Variants in DUSP22 observed in about 807,000 individuals in gnomAD.
The protein encoded by DUSP22 is dual specificity phosphatase 22, also known as dual specificity protein phosphatase 22.
A neutral mutation model predicts 24.5 loss-of-function variants in DUSP22; 24 were observed. The observed-to-expected ratio is 0.98, with a 90% CI of 0.71 to 1.38. The LOEUF (loss-of-function observed/expected upper bound fraction) is 1.38. Ranked by LOEUF, DUSP22 falls within the 40% of genes most tolerant of loss-of-function variation. The pLI, the probability that DUSP22 is intolerant of heterozygous loss-of-function variation, is 0.00. For synonymous variants in DUSP22, 160 were observed against 106.4 expected (o/e 1.50, Z -3.10); for missense variants, 330 against 269.2 (o/e 1.23, Z -1.58).
intron 4 of DUSP22, among the ~76,000 whole-genome samples, chr6:342,179 G>A (rs1759637542): frequency 1.3e-5 from 2 of 152,308 alleles, no homozygotes; most frequent in Admixed American, 6.5e-5. Context: ...TGTGGTCTTT[G>A]CAGTGTGTTC....
intron 1 of DUSP22, among the ~76,000 whole-genome samples, chr6:296,339 A>G (rs1031431470): frequency 2.2e-4 from 33 of 152,408 alleles, no homozygotes; most frequent in African/African-American, 6.7e-4. Context: ...TGTTATTTTC[A>G]TGCCTGTTTT....
At chr6:340,227 C>T (rs1345729213) in intron 4 of DUSP22, among the ~76,000 whole-genome samples, 2 of 152,300 alleles carry the variant, frequency 1.3e-5, no homozygotes, top group African/African-American at 2.4e-5. Flanking sequence ...CGTGAAATAT[C>T]AAAGTTGGGG....
At chr6:346,934 G>A (rs925374668) in intron 5 of DUSP22, among the ~76,000 whole-genome samples, 5 of 152,306 alleles carry the variant, frequency 3.3e-5, no homozygotes, top group Non-Finnish European at 5.9e-5. Flanking sequence ...CAGGGAGGAC[G>A]CTAGATAGTT....
chr6:304,862 T>C (rs1473253414), intron 2 of DUSP22, among the ~76,000 whole-genome samples: 1 of 152,120 alleles, frequency 6.6e-6, no homozygotes, highest in Non-Finnish European at 1.5e-5. Context: ...ATTCCTCTCC[T>C]CCCAGCCCCG....
At chr6:297,785 T>C (rs1447963398) in intron 1 of DUSP22, among the ~76,000 whole-genome samples, 1 of 152,304 alleles carries the variant, frequency 6.6e-6, no homozygotes, top group Non-Finnish European at 1.5e-5. Flanking sequence ...GAAGCTCTGT[T>C]TTCATACGGG....
Position 292,499 on chromosome 6 carries a change from C to T in DUSP22, c.-41C>T. On this transcript the variant is annotated 5_prime_UTR_variant, in exon 1 of 7. Transcript: ENST00000419235. ...CCTGTAACATGCCATAGTGCGCCTGCGACCACACGGCCGGGGCGCTAGCGT... is the reference window on the plus strand; with the variant it reads ...CCTGTAACATGCCATAGTGCGCCTGTGACCACACGGCCGGGGCGCTAGCGT... 1 of 1,601,872 alleles carries T rather than the reference C, an allele frequency of 6.2e-7. No individual in the cohort carries two copies. Among genetic ancestry groups the T allele is most frequent in the Non-Finnish European group, 8.5e-7 (1 of 1,174,650 alleles).
intron 3 of DUSP22, 94 bp downstream of exon 3, chr6:312,056 T>A: frequency 7.6e-7 from 1 of 1,310,312 alleles, no homozygotes; most frequent in Non-Finnish European, 1.1e-6. Flanking sequence ...TTCTCTCCAA[T>A]GCGAACGTAC....
intron 3 of DUSP22, among the ~76,000 whole-genome samples, chr6:313,945 AC>A (rs1326925761): frequency 6.6e-6 from 1 of 152,298 alleles, no homozygotes; most frequent in Non-Finnish European, 1.5e-5. Flanking sequence ...TGCCTGGGGC[AC>A]AAAGGCAGTC....
chr6:340,279 G>A (rs1487129838), intron 4 of DUSP22, among the ~76,000 whole-genome samples: 1 of 152,306 alleles, frequency 6.6e-6, no homozygotes, highest in African/African-American at 2.4e-5. Flanking sequence ...GTGTAATGCT[G>A]TGTGCTGATA....
chr6:299,823 G>T (rs939585174), intron 1 of DUSP22, among the ~76,000 whole-genome samples: 1 of 152,306 alleles, frequency 6.6e-6, no homozygotes, highest in Non-Finnish European at 1.5e-5. Context: ...GCACCGTTTC[G>T]CATGTGGAAG....
Position 349,023 on chromosome 6 carries a change from G to A in DUSP22, c.*72G>A. The A allele has an allele frequency of 2.0e-6, 3 of 1,532,348 alleles. No homozygotes were observed. The highest frequency in any genetic ancestry group is 4.0e-5 in the Admixed American group (2 of 49,886). 94.9% of individuals were successfully genotyped at this position (1,532,348 alleles called of 1,614,324 possible). ...CCCGGCTGGGCAGGGGTGCGGTGGT[G>A]GTGGCCGATGAGGACAGGAAAGGGA... On this transcript the variant is annotated 3_prime_UTR_variant, in exon 7 of 7. Coordinates refer to ENST00000419235, the MANE Select transcript of DUSP22 (RefSeq NM_001286555.3).
At chr6:339,546 AT>A (rs11323464) in intron 4 of DUSP22, among the ~76,000 whole-genome samples, 1,024 of 151,354 alleles carry the variant, frequency 6.8e-3, no homozygotes, top group African/African-American at 0.023. Flanking sequence ...GTAATTACAG[AT>A]TTTTTTTTTC....
chr6:328,100 G>A lies in DUSP22; in HGVS notation c.139-7014G>A, dbSNP rs541658904. Among the ~76,000 whole-genome samples, 134 of 152,390 alleles carry A rather than the reference G, an allele frequency of 8.8e-4. No homozygotes were observed. In the South Asian group the frequency reaches 0.027, roughly 30 times the overall value. ...AGAGAACACTCCTAGAATATCTGCTGCTGATTTCTAAGCAGCAGCTTTCAC... is the reference window on the plus strand; with the variant it reads ...AGAGAACACTCCTAGAATATCTGCTACTGATTTCTAAGCAGCAGCTTTCAC... On this transcript the variant is annotated intron_variant, in intron 3 of 6. Transcript: ENST00000419235.
chr6:348,546 T>G (rs1760000350), intron 6 of DUSP22: 1 of 879,900 alleles, frequency 1.1e-6, no homozygotes, highest in African/African-American at 1.7e-5. Context: ...TACCATTTCC[T>G]TGGTCTGGCC....
At chr6:346,067 A>C (rs1231031907) in intron 5 of DUSP22, 139 bp downstream of exon 5, 4 of 1,078,386 alleles carry the variant, frequency 3.7e-6, no homozygotes, top group Non-Finnish European at 5.5e-6. Context: ...CGCGTGCTCC[A>C]TTTGTCCAGC....
At chr6:342,200 T>A (rs1022011998) in intron 4 of DUSP22, among the ~76,000 whole-genome samples, 62 of 152,388 alleles carry the variant, frequency 4.1e-4, no homozygotes, top group African/African-American at 1.5e-3. Flanking sequence ...TGACGTGCTC[T>A]GTGGTTTTTC....
chr6:296,606 C>A (rs1169624499), intron 1 of DUSP22, among the ~76,000 whole-genome samples: 4 of 152,238 alleles, frequency 2.6e-5, no homozygotes, highest in Non-Finnish European at 5.9e-5. Context: ...ACCCTCAAAT[C>A]TTTTGGGGGA....
intron 3 of DUSP22, among the ~76,000 whole-genome samples, chr6:332,442 C>G (rs1759181722): frequency 6.6e-6 from 1 of 152,302 alleles, no homozygotes. Flanking sequence ...TGGGTAGATT[C>G]TCGTGCCCAC....
intron 3 of DUSP22, among the ~76,000 whole-genome samples, chr6:333,794 C>T (rs566060780): frequency 8.5e-5 from 13 of 152,406 alleles, no homozygotes; most frequent in South Asian, 8.3e-4. Flanking sequence ...ACGAAGCCCA[C>T]GTGTGCTTCC....
Sources: allele counts gnomAD v4.1 joint callset (sites outside exome capture counted in the v4.1 genomes callset), GRCh38; gene constraint gnomAD v4.1.1; transcripts MANE v1.5; gene names NCBI Gene and HGNC (gene_info 2026-07-23, HGNC 2026-07-21).